The following KMT2E variants were observed in gnomAD, a reference collection of about 807,000 sequenced individuals.
The protein encoded by KMT2E is lysine methyltransferase 2E (inactive), also known as histone reader KMT2E.
A neutral mutation model predicts 184.6 loss-of-function variants in KMT2E; 30 were observed. The observed-to-expected ratio is 0.16, with a 90% confidence interval of 0.12 to 0.22. The LOEUF (loss-of-function observed/expected upper bound fraction) is 0.22. KMT2E is among the 10% of genes least tolerant of loss of function. KMT2E has a pLI of 1.00. For synonymous variants in KMT2E, 815 were observed against 776.5 expected (o/e 1.05, Z -0.82); for missense variants, 2,023 against 2,237.4 (o/e 0.90, Z 1.93).
At chr7:105,093,665 C>G (rs921188138) in intron 15 of KMT2E, among the ~76,000 whole-genome samples, 2 of 151,886 alleles carry the variant, frequency 1.3e-5, no homozygotes, top group Admixed American at 1.3e-4. Context: ...GCCTGGGCAA[C>G]AAGAGCGAAA....
At position 105,111,040 on chromosome 7, in the gene KMT2E, C is replaced by A. The variant is rs908687281; in HGVS notation, c.4068+172C>A. 4 of 598,592 alleles carry A rather than the reference C, an allele frequency of 6.7e-6. No homozygotes were observed. In the African/African-American group the frequency reaches 7.4e-5, roughly 11 times the overall value. 37.1% of individuals were successfully genotyped at this position (598,592 alleles called of 1,614,324 possible). On this transcript the variant is annotated intron_variant, in intron 26 of 26. Transcript: ENST00000311117. ...TGTTTACTACTGTTTGTTCTTCTTA[C>A]TGAACATGTGATGGATAACTCTGAC...
At position 105,073,646 on chromosome 7, in the gene KMT2E, A is replaced by C; in HGVS notation, c.525A>C (p.Leu175=). The change falls in exon 7 of 27, where the codon CTA becomes CTC. Residue 175 remains leucine (L), a synonymous_variant. Coordinates refer to ENST00000311117, the MANE Select transcript of KMT2E (RefSeq NM_182931.3). ...ATTTGGATAAAGAGAGGGCAGTGCT[A>C]CTACAACGCCGGAAAAGGGAAAATA... is the stretch of plus-strand genomic sequence containing the variant. ...PRNLDKERAV[L]LQRRKRENMS... 1 of 1,606,568 alleles carries C rather than the reference A, an allele frequency of 6.2e-7. No individual in the cohort carries two copies. The highest frequency in any genetic ancestry group is 8.5e-7 in the Non-Finnish European group (1 of 1,173,710).
intron 23 of KMT2E, among the ~76,000 whole-genome samples, chr7:105,109,788 C>T (rs1388699899): frequency 2.0e-5 from 3 of 151,844 alleles, no homozygotes; most frequent in Non-Finnish European, 4.4e-5. Flanking sequence ...GAATTGAGTC[C>T]TTCAAATAAG....
chr7:105,042,795 A>G (rs959463505), intron 3 of KMT2E, among the ~76,000 whole-genome samples: 2 of 152,250 alleles, frequency 1.3e-5, no homozygotes, highest in African/African-American at 4.8e-5. Context: ...GAGAGAGAAA[A>G]GAAATGGACA....
At chr7:105,110,181 TC>T in intron 23 of KMT2E, 98 bp from the exon 24 acceptor site, 1 of 947,610 alleles carries the variant, frequency 1.1e-6, no homozygotes. Context: ...TCCCAGTAGA[TC>T]AAAAGCCTTG....
chr7:105,097,903 A>G (rs1798481068), intron 15 of KMT2E, among the ~76,000 whole-genome samples: 1 of 152,194 alleles, frequency 6.6e-6, no homozygotes, highest in Non-Finnish European at 1.5e-5. Context: ...ATGAGCAAAG[A>G]AGGAAAGGTC....
chr7:105,078,874 A>G lies in KMT2E; in HGVS notation c.1159A>G (p.Lys387Glu), dbSNP rs1338858914. ...ATACCCTTTTGTGTTATTCTACTCT[A>G]AATTTCATGGGCTAGAAATGTGTGT... ...RPYPFVLFYSKFHGLEMCVDA... is the reference protein window; with the variant it reads ...RPYPFVLFYSEFHGLEMCVDA... The change falls in exon 12 of 27, where the codon AAA becomes GAA. Residue 387 changes from lysine (K) to glutamate (E), a missense_variant. Transcript: ENST00000311117. 6.2e-7 allele frequency: 1 copy of G among 1,603,248 alleles called. No homozygotes were observed. Among genetic ancestry groups the G allele is most frequent in the South Asian group, 1.1e-5 (1 of 90,882 alleles).
intron 15 of KMT2E, among the ~76,000 whole-genome samples, chr7:105,098,856 TC>T (rs1179214185): frequency 6.6e-6 from 1 of 152,152 alleles, no homozygotes; most frequent in Non-Finnish European, 1.5e-5. Flanking sequence ...TCATGGGAAA[TC>T]TATCGAGTTT....
At chr7:105,032,750 C>T (rs887233730) in intron 1 of KMT2E, among the ~76,000 whole-genome samples, 2 of 152,244 alleles carry the variant, frequency 1.3e-5, no homozygotes, top group Non-Finnish European at 2.9e-5. Context: ...AGCAGTCCTC[C>T]TGCCTTGGCC....
At chr7:105,036,646 T>G (rs1795673007) in intron 1 of KMT2E, among the ~76,000 whole-genome samples, 1 of 152,224 alleles carries the variant, frequency 6.6e-6, no homozygotes, top group Non-Finnish European at 1.5e-5. Context: ...TTGTGGAGAT[T>G]AAGCATTGTA....
intron 1 of KMT2E, among the ~76,000 whole-genome samples, chr7:105,015,972 A>T (rs1293911414): frequency 6.6e-6 from 1 of 151,060 alleles, no homozygotes; most frequent in South Asian, 2.1e-4. Flanking sequence ...CTTCAACATT[A>T]AAAAAAAATT....
chr7:105,037,381 A>G (rs1448887352), intron 1 of KMT2E, among the ~76,000 whole-genome samples: 4 of 151,192 alleles, frequency 2.6e-5, no homozygotes, highest in Admixed American at 1.3e-4. Flanking sequence ...TGTTTTTTTT[A>G]AGACAGGGTC....
In KMT2E at chr7:105,090,147, A is replaced by T. The variant is rs1798141443; in HGVS notation, c.1497A>T (p.Ser499=). The change falls in exon 14 of 27, where the codon TCA becomes TCT. Residue 499 remains serine (S), a synonymous_variant. Transcript: ENST00000311117. ...RKKGKKDKDI[S]KEKDTQNQNI... is the part of the protein sequence containing the mutation. Reference sequence around the variant, plus strand: ...AAGGAAAAAAAGACAAAGATATTTCAAAAGAAAAAGATACACAAAATCAGA... The same window carrying T: ...AAGGAAAAAAAGACAAAGATATTTCTAAAGAAAAAGATACACAAAATCAGA... 6.2e-7 allele frequency: 1 copy of T among 1,613,132 alleles called. No homozygotes were observed. The highest frequency in any genetic ancestry group is 1.7e-5 in the Admixed American group (1 of 59,874).
chr7:105,076,937 T>A, intron 9 of KMT2E, 26 bp from the exon 10 acceptor site: 4 of 1,320,422 alleles, frequency 3.0e-6, no homozygotes, highest in Non-Finnish European at 4.3e-6. Flanking sequence ...TAAGTCCAGA[T>A]ACTAAAGCTC....
intron 17 of KMT2E, 55 bp from the exon 18 acceptor site, chr7:105,105,384 C>G (rs1798854841): frequency 7.5e-7 from 1 of 1,324,870 alleles, no homozygotes; most frequent in Non-Finnish European, 1.0e-6. Context: ...TTAGAATATT[C>G]AAGGGAGAAT....
At chr7:105,018,752 C>A (rs1009886270) in intron 1 of KMT2E, among the ~76,000 whole-genome samples, 2 of 151,966 alleles carry the variant, frequency 1.3e-5, no homozygotes, top group Admixed American at 6.6e-5. Flanking sequence ...ACTACCTGTT[C>A]TGTAATGTGC....
intron 5 of KMT2E, among the ~76,000 whole-genome samples, chr7:105,065,484 C>T (rs1796989783): frequency 6.6e-6 from 1 of 152,150 alleles, no homozygotes; most frequent in Non-Finnish European, 1.5e-5. Context: ...AGTAGTCCCT[C>T]CTTTCCCTGG....
Position 105,113,565 on chromosome 7 carries a change from C to A in KMT2E, c.*232C>A. On this transcript the variant is annotated 3_prime_UTR_variant, in exon 27 of 27. Coordinates refer to ENST00000311117, the MANE Select transcript of KMT2E (RefSeq NM_182931.3). Reference sequence around the variant, plus strand: ...AAGTGAACATTCCAGCTGTTTTTTTCTGGCAGATCTGATGCTGATTTGATG... The same window carrying A: ...AAGTGAACATTCCAGCTGTTTTTTTATGGCAGATCTGATGCTGATTTGATG... The A allele has an allele frequency of 2.5e-6, 1 of 398,310 alleles. No individual in the cohort carries two copies. The highest frequency in any genetic ancestry group is 4.4e-6 in the Non-Finnish European group (1 of 225,012). 24.7% of individuals were successfully genotyped at this position (398,310 alleles called of 1,614,324 possible).
intron 6 of KMT2E, among the ~76,000 whole-genome samples, chr7:105,073,392 G>T (rs1797404568): frequency 4.5e-5 from 6 of 132,868 alleles, no homozygotes; most frequent in Non-Finnish European, 6.5e-5. Context: ...GTGAGACCCT[G>T]TCTGGGGAAA....
Sources: gnomAD v4.1 joint callset for allele counts (sites outside exome capture counted in the v4.1 genomes callset) on GRCh38, gnomAD v4.1.1 for gene constraint, MANE v1.5 for transcripts, NCBI Gene and HGNC (gene_info 2026-07-23, HGNC 2026-07-21) for gene names.